The following XKR9 variants were observed in gnomAD, a reference collection of about 807,000 sequenced individuals.
XKR9 encodes the protein XK-related protein 9.
A neutral mutation model predicts 32.0 loss-of-function variants in XKR9; 32 were observed. The observed-to-expected ratio is 1.00, with a 90% CI of 0.76 to 1.34. The LOEUF (loss-of-function observed/expected upper bound fraction) is 1.34, where lower values mean the gene tolerates loss of function less well. Ranked by LOEUF, XKR9 falls within the 40% of genes most tolerant of loss-of-function variation. XKR9 has a pLI of 0.00. For missense variants in XKR9, 546 were observed against 429.7 expected (o/e 1.27, Z -2.39); for synonymous variants, 168 against 143.4 (o/e 1.17, Z -1.22).
the XKR9 span, among the ~76,000 whole-genome samples, chr8:70,820,835 A>T: frequency 5.3e-5 from 8 of 152,152 alleles, no homozygotes; most frequent in African/African-American, 1.7e-4. Flanking sequence ...CTCTTTCTTG[A>T]CATGTGGGGA....
At chr8:71,037,335 T>C in the XKR9 span, among the ~76,000 whole-genome samples, 1 of 152,184 alleles carries the variant, frequency 6.6e-6, no homozygotes, top group Non-Finnish European at 1.5e-5. Flanking sequence ...ATCATTTTCA[T>C]TATATTCTTT....
chr8:70,820,452 G>A, the XKR9 span, among the ~76,000 whole-genome samples: 1 of 152,172 alleles, frequency 6.6e-6, no homozygotes, highest in South Asian at 2.1e-4. Flanking sequence ...ATGTTGGAAG[G>A]CAAAGAGATA....
At chr8:70,982,490 C>A in the XKR9 span, among the ~76,000 whole-genome samples, 1 of 152,136 alleles carries the variant, frequency 6.6e-6, no homozygotes. Flanking sequence ...TCATAAGCCT[C>A]TCCCTGCTCC....
chr8:70,977,301 T>C, the XKR9 span, among the ~76,000 whole-genome samples: 1 of 152,196 alleles, frequency 6.6e-6, no homozygotes, highest in East Asian at 1.9e-4. Context: ...GTGTTTGCTC[T>C]TGCTTCTCTA....
intron 2 of XKR9, among the ~76,000 whole-genome samples, chr8:70,770,468 G>A (rs1807438662): frequency 6.6e-6 from 1 of 152,232 alleles, no homozygotes; most frequent in Non-Finnish European, 1.5e-5. Context: ...GCTCTCTTCA[G>A]AGCCGGCAGG....
At chr8:70,739,802 C>G (rs1267038830), downstream of XKR9, among the ~76,000 whole-genome samples, 2 of 152,292 alleles carry the variant, frequency 1.3e-5, no homozygotes, top group African/African-American at 2.4e-5. Flanking sequence ...GGCCCCCACT[C>G]TCTTCTGGCT....
the XKR9 span, among the ~76,000 whole-genome samples, chr8:70,906,412 C>T: frequency 6.6e-6 from 1 of 152,108 alleles, no homozygotes; most frequent in Admixed American, 6.5e-5. Flanking sequence ...TATAGGGTAG[C>T]CTATGAAGAC....
chr8:70,948,650 G>C, the XKR9 span, among the ~76,000 whole-genome samples: 1 of 152,110 alleles, frequency 6.6e-6, no homozygotes, highest in South Asian at 2.1e-4. Flanking sequence ...CGAGCCTGCC[G>C]GTCAATGAGA....
At chr8:71,017,264 G>A in the XKR9 span, among the ~76,000 whole-genome samples, 3 of 152,176 alleles carry the variant, frequency 2.0e-5, no homozygotes, top group African/African-American at 4.8e-5. Flanking sequence ...ATTTATAGAT[G>A]TGCACAGTTT....
the XKR9 span, among the ~76,000 whole-genome samples, chr8:70,827,632 A>G: frequency 2.0e-5 from 3 of 152,170 alleles, no homozygotes; most frequent in East Asian, 3.8e-4. Flanking sequence ...TACTCCCTTT[A>G]AAGCAGAGAA....
the XKR9 span, among the ~76,000 whole-genome samples, chr8:70,853,857 T>G: frequency 6.6e-6 from 1 of 152,224 alleles, no homozygotes; most frequent in Admixed American, 6.5e-5. Context: ...GGACATGAAC[T>G]AATCCTTTTT....
chr8:70,822,202 A>G, the XKR9 span, among the ~76,000 whole-genome samples: 2 of 152,218 alleles, frequency 1.3e-5, no homozygotes, highest in African/African-American at 4.8e-5. Flanking sequence ...CAACCTGATT[A>G]AAAGTCAGTT....
Position 70,734,673 on chromosome 8 carries a change from A to G in XKR9, c.*249A>G, listed in dbSNP as rs138237314. ...CCATCTTGAGCCTGAAATATAAGAA[A>G]TGGTCTGGTTTTCATAATGAGAAGG... is the stretch of plus-strand genomic sequence containing the variant. On this transcript the variant is annotated 3_prime_UTR_variant, in exon 5 of 5. Coordinates refer to ENST00000408926, the MANE Select transcript of XKR9 (RefSeq NM_001011720.2). 115 of 298,090 alleles carry G rather than the reference A, an allele frequency of 3.9e-4. No homozygotes were observed. Among genetic ancestry groups the G allele is most frequent in the African/African-American group, 2.4e-3 (106 of 44,730 alleles). 18.5% of individuals were successfully genotyped at this position (298,090 alleles called of 1,614,324 possible).
chr8:70,939,891 G>C, the XKR9 span, among the ~76,000 whole-genome samples: 1 of 152,012 alleles, frequency 6.6e-6, no homozygotes, highest in African/African-American at 2.4e-5. Flanking sequence ...CACTTTTCAT[G>C]TGTATATATT....
At chr8:70,853,581 A>G in the XKR9 span, among the ~76,000 whole-genome samples, 7 of 152,170 alleles carry the variant, frequency 4.6e-5, no homozygotes, top group African/African-American at 1.7e-4. Flanking sequence ...TTTAGGGTAC[A>G]TATGCACAAT....
At chr8:70,855,941 AC>A in the XKR9 span, among the ~76,000 whole-genome samples, 2 of 152,202 alleles carry the variant, frequency 1.3e-5, no homozygotes, top group Admixed American at 6.6e-5. Context: ...AGATTTTGTC[AC>A]CACCAGGCCT....
At chr8:70,789,304 A>T (rs547660563) in intron 2 of XKR9, 1 of 152,202 alleles carries the variant, frequency 6.6e-6, no homozygotes, top group African/African-American at 2.4e-5. Context: ...AAATGTTAGA[A>T]TGATTGTGGT....
chr8:70,710,771 A>T (rs1170966691), intron 4 of XKR9, among the ~76,000 whole-genome samples: 3 of 151,990 alleles, frequency 2.0e-5, no homozygotes, highest in Non-Finnish European at 4.4e-5. Flanking sequence ...ACAAAAAAAA[A>T]GTTGACAGGT....
At chr8:70,893,935 G>T in the XKR9 span, among the ~76,000 whole-genome samples, 14 of 152,002 alleles carry the variant, frequency 9.2e-5, no homozygotes, top group African/African-American at 3.4e-4. Flanking sequence ...TCTGTGGCAG[G>T]GTTGAATATA....
Sources: gnomAD v4.1 joint callset for allele counts (sites outside exome capture counted in the v4.1 genomes callset) on GRCh38, gnomAD v4.1.1 for gene constraint, MANE v1.5 for transcripts, NCBI Gene and HGNC (gene_info 2026-07-23, HGNC 2026-07-21) for gene names.